The following ARMC9 variants were observed in gnomAD, a reference collection of about 807,000 sequenced individuals.
The protein encoded by ARMC9 is armadillo repeat containing 9, also known as lisH domain-containing protein ARMC9.
ARMC9 carries 94 observed loss-of-function variants against 107.0 expected under a neutral mutation model. That is an observed-to-expected ratio of 0.88 (90% CI 0.74 to 1.04). ARMC9 has a LOEUF of 1.04. Ranked by LOEUF, ARMC9 falls within the 50% of genes least tolerant of loss-of-function variation. ARMC9 has a pLI of 0.00. For synonymous variants in ARMC9, 380 were observed against 396.9 expected (o/e 0.96, Z 0.51); for missense variants, 942 against 1,030.1 (o/e 0.91, Z 1.17).
At chr2:231,306,976 T>C (rs1303843516) in intron 19 of ARMC9, among the ~76,000 whole-genome samples, 1 of 152,156 alleles carries the variant, frequency 6.6e-6, no homozygotes, top group East Asian at 1.9e-4. Flanking sequence ...GGCCCAAGGA[T>C]GGTGCTCAGG....
rs1434841578 is a variant in ARMC9, at chr2:231,374,728, C to T, written c.*3193C>T. The T allele has an allele frequency of 6.6e-6, 1 of 152,126 alleles. No individual in the cohort carries two copies. The highest frequency in any genetic ancestry group is 2.4e-5 in the African/African-American group (1 of 41,424). 9.4% of individuals were successfully genotyped at this position (152,126 alleles called of 1,614,324 possible). A position where few individuals can be genotyped will look rare whatever the true frequency, so the allele number is the denominator to read the frequency against. On this transcript the variant is annotated 3_prime_UTR_variant, in exon 25 of 25. Transcript: ENST00000611582. ...GGCTTGTCTAACCCTAATCCCAGCC[C>T]CAGTTTTAATAAAACTGTATTTACA... is the stretch of plus-strand genomic sequence containing the variant.
chr2:231,205,332 T>G (rs2031806677), intron 1 of ARMC9, among the ~76,000 whole-genome samples: 1 of 152,082 alleles, frequency 6.6e-6, no homozygotes. Context: ...ATTGCACCAT[T>G]GCACTCCATC....
At chr2:231,342,498 C>T (rs2044577767) in intron 20 of ARMC9, among the ~76,000 whole-genome samples, 1 of 152,006 alleles carries the variant, frequency 6.6e-6, no homozygotes, top group African/African-American at 2.4e-5. Context: ...TCGAGAAAAC[C>T]CGCATGTTGA....
intron 1 of ARMC9, among the ~76,000 whole-genome samples, chr2:231,204,608 C>T (rs2031675294): frequency 6.6e-6 from 1 of 152,042 alleles, no homozygotes; most frequent in Non-Finnish European, 1.5e-5. Context: ...AGGCACTGGT[C>T]TAGGCACAGG....
intron 7 of ARMC9, among the ~76,000 whole-genome samples, chr2:231,229,723 G>A (rs2035025667): frequency 1.3e-5 from 2 of 152,042 alleles, no homozygotes; most frequent in South Asian, 4.2e-4. Context: ...GTAGCAAGGA[G>A]GTAATTTTTA....
intron 11 of ARMC9, 85 bp from the exon 12 acceptor site, chr2:231,262,221 C>T (rs939723917): frequency 5.8e-6 from 7 of 1,216,746 alleles, no homozygotes; most frequent in African/African-American, 3.0e-5. Flanking sequence ...GGTACTGATA[C>T]TGCCATCTAA....
At chr2:231,233,984 A>G (rs570024178) in intron 7 of ARMC9, among the ~76,000 whole-genome samples, 1 of 152,246 alleles carries the variant, frequency 6.6e-6, no homozygotes, top group South Asian at 2.1e-4. Flanking sequence ...TAGGTTAGGA[A>G]ATGAGAATTA....
At chr2:231,366,897 C>T (rs182494337) in intron 23 of ARMC9, among the ~76,000 whole-genome samples, 2,278 of 150,962 alleles carry the variant, frequency 0.015, 57 homozygotes, top group African/African-American at 0.052. Context: ...GTCGCCCAGG[C>T]TAGAGTGCAG....
At chr2:231,342,819 C>T (rs1478249070) in intron 20 of ARMC9, among the ~76,000 whole-genome samples, 1 of 152,122 alleles carries the variant, frequency 6.6e-6, no homozygotes, top group Non-Finnish European at 1.5e-5. Flanking sequence ...ATTCCATTTC[C>T]CCCAAGAAGC....
chr2:231,359,094 T>G (rs1407357215), intron 22 of ARMC9, among the ~76,000 whole-genome samples: 1 of 147,868 alleles, frequency 6.8e-6, no homozygotes, highest in Non-Finnish European at 1.5e-5. Flanking sequence ...TTTTTTTTTT[T>G]TTTTTTTTTG....
chr2:231,303,087 T>C lies in ARMC9; in HGVS notation c.1773+6834T>C, dbSNP rs984462132. On this transcript the variant is annotated intron_variant, in intron 19 of 24. Coordinates refer to ENST00000611582, the MANE Select transcript of ARMC9 (RefSeq NM_001352754.2). ...TCTATTTTGCATTTTGTTAATTTGATTTTCTGATTGTTCCCTAACAATCAG... is the reference window on the plus strand; with the variant it reads ...TCTATTTTGCATTTTGTTAATTTGACTTTCTGATTGTTCCCTAACAATCAG... 5.3e-5 allele frequency among the ~76,000 whole-genome samples: 8 copies of C among 152,250 alleles called. No homozygotes were observed. The South Asian group carries it at 8.3e-4, about 16-fold the overall frequency.
chr2:231,237,931 A>G (rs2035928497), intron 8 of ARMC9, among the ~76,000 whole-genome samples: 2 of 151,280 alleles, frequency 1.3e-5, no homozygotes, highest in Non-Finnish European at 2.9e-5. Context: ...AAAGGAGGAA[A>G]CAGTTTCAGA....
At chr2:231,371,427 G>T in intron 24 of ARMC9, 86 bp from the exon 25 acceptor site, 3 of 1,329,688 alleles carry the variant, frequency 2.3e-6, no homozygotes, top group Non-Finnish European at 2.9e-6. Context: ...CTTCTGAGCC[G>T]GCTGAAAGAG....
intron 19 of ARMC9, among the ~76,000 whole-genome samples, chr2:231,302,317 T>C (rs2041781603): frequency 6.6e-6 from 1 of 151,462 alleles, no homozygotes. Context: ...AATATTAAAA[T>C]ATTAAATAAC....
intron 19 of ARMC9, among the ~76,000 whole-genome samples, chr2:231,327,747 G>A (rs958785361): frequency 3.3e-5 from 5 of 152,094 alleles, no homozygotes; most frequent in African/African-American, 1.2e-4. Context: ...TTAAGAAATT[G>A]CCGAAATGTA....
intron 9 of ARMC9, among the ~76,000 whole-genome samples, chr2:231,253,976 A>G (rs929146416): frequency 6.6e-6 from 1 of 151,796 alleles, no homozygotes; most frequent in Admixed American, 6.6e-5. Flanking sequence ...GAAGAAAAAG[A>G]TAGGGAGGAA....
intron 19 of ARMC9, among the ~76,000 whole-genome samples, chr2:231,307,228 A>C (rs953046756): frequency 6.6e-6 from 1 of 152,156 alleles, no homozygotes; most frequent in African/African-American, 2.4e-5. Context: ...AGGCTGAGAG[A>C]GGGGTAAGTA....
At chr2:231,231,513 A>G (rs1026120652) in intron 7 of ARMC9, among the ~76,000 whole-genome samples, 1 of 151,812 alleles carries the variant, frequency 6.6e-6, no homozygotes, top group African/African-American at 2.4e-5. Context: ...CCACCTGAGT[A>G]GCTGGGATTA....
At chr2:231,332,263 G>A (rs1027345871) in intron 20 of ARMC9, among the ~76,000 whole-genome samples, 4 of 152,306 alleles carry the variant, frequency 2.6e-5, no homozygotes, top group East Asian at 1.9e-4. Context: ...AGTCCTTGGC[G>A]CAGAGGTGTT....
Sources: allele counts gnomAD v4.1 joint callset (sites outside exome capture counted in the v4.1 genomes callset), GRCh38; gene constraint gnomAD v4.1.1; transcripts MANE v1.5; gene names NCBI Gene and HGNC (gene_info 2026-07-23, HGNC 2026-07-21).